The following GALNT13 variants were observed in gnomAD, a reference collection of about 807,000 sequenced individuals.
GALNT13 encodes polypeptide N-acetylgalactosaminyltransferase 13.
In GALNT13, 28 loss-of-function variants were observed where a neutral mutation model predicts 64.2. That is an observed-to-expected ratio of 0.44 (90% CI 0.32 to 0.60). The LOEUF is 0.60. GALNT13 is among the 20% of genes least tolerant of loss of function. GALNT13 has a pLI of 0.05. For synonymous variants in GALNT13, 214 were observed against 224.6 expected (o/e 0.95, Z 0.42); for missense variants, 577 against 669.8 (o/e 0.86, Z 1.53).
intron 3 of GALNT13, among the ~76,000 whole-genome samples, chr2:154,052,672 G>C (rs1042409762): frequency 6.6e-6 from 1 of 150,682 alleles, no homozygotes; most frequent in Admixed American, 6.6e-5. Flanking sequence ...TGCTGTGTTG[G>C]TGTTCAATAT....
chr2:154,370,162 T>C (rs935428439), intron 9 of GALNT13, among the ~76,000 whole-genome samples: 10 of 152,086 alleles, frequency 6.6e-5, no homozygotes, highest in African/African-American at 2.4e-4. Flanking sequence ...CAAGTCAGTC[T>C]CATTGAAGAT....
At chr2:153,698,804 G>A in the GALNT13 span, among the ~76,000 whole-genome samples, 3 of 152,150 alleles carry the variant, frequency 2.0e-5, no homozygotes, top group Admixed American at 2.0e-4. Context: ...GTGTTACATG[G>A]CACTTATTCT....
the GALNT13 span, among the ~76,000 whole-genome samples, chr2:153,096,173 C>G: frequency 6.6e-6 from 1 of 151,994 alleles, no homozygotes; most frequent in East Asian, 1.9e-4. Flanking sequence ...TGTATAATTT[C>G]CAAAATTATT....
the GALNT13 span, among the ~76,000 whole-genome samples, chr2:153,518,764 T>C: frequency 6.6e-6 from 1 of 152,140 alleles, no homozygotes; most frequent in East Asian, 1.9e-4. Flanking sequence ...AAATGTTTAG[T>C]GGGTTCCTAG....
chr2:154,263,810 G>GTAACAAGTAACAAGTAACAAGATTTGT, intron 8 of GALNT13, among the ~76,000 whole-genome samples: 1 of 152,204 alleles, frequency 6.6e-6, no homozygotes, highest in South Asian at 2.1e-4. Context: ...GGAGTAACAA[G>GTAACAAGTAACAAGTAACAAGATTTGT]TACTAGATTT....
chr2:153,411,178 TA>T, the GALNT13 span, among the ~76,000 whole-genome samples: 8,943 of 87,986 alleles, frequency 0.1, 283 homozygotes, highest in East Asian at 0.27. Flanking sequence ...TATATATATA[TA>T]TTTTTTTTTT....
At chr2:154,198,578 T>C (rs1019317901) in intron 4 of GALNT13, among the ~76,000 whole-genome samples, 13 of 152,078 alleles carry the variant, frequency 8.5e-5, no homozygotes, top group Middle Eastern at 3.4e-3. Flanking sequence ...AAAATGATTG[T>C]AACTTCTTTA....
At chr2:153,643,461 A>T in the GALNT13 span, among the ~76,000 whole-genome samples, 1 of 151,650 alleles carries the variant, frequency 6.6e-6, no homozygotes, top group Non-Finnish European at 1.5e-5. Context: ...AAGTCAAAAT[A>T]GTTCTATAAA....
chr2:153,136,764 T>C, the GALNT13 span, among the ~76,000 whole-genome samples: 1 of 151,976 alleles, frequency 6.6e-6, no homozygotes, highest in Non-Finnish European at 1.5e-5. Flanking sequence ...ATCCATTAAG[T>C]ACAGGTCTCC....
the GALNT13 span, chr2:153,477,618 C>T: frequency 1.4e-5 from 2 of 144,698 alleles, no homozygotes; most frequent in Admixed American, 1.4e-4. Context: ...TGTAACTCCT[C>T]AGGCAGGCAA....
At chr2:154,047,290 G>A (rs1699340707) in intron 3 of GALNT13, among the ~76,000 whole-genome samples, 1 of 152,110 alleles carries the variant, frequency 6.6e-6, no homozygotes, top group African/African-American at 2.4e-5. Context: ...TTGTTCACTC[G>A]TTGATCTTTA....
chr2:153,752,692 G>T, the GALNT13 span, among the ~76,000 whole-genome samples: 2 of 151,806 alleles, frequency 1.3e-5, no homozygotes, highest in African/African-American at 4.8e-5. Context: ...CTTTATCTTT[G>T]GGAGTTTGAT....
At chr2:153,081,795 A>C in the GALNT13 span, among the ~76,000 whole-genome samples, 1 of 152,132 alleles carries the variant, frequency 6.6e-6, no homozygotes, top group Non-Finnish European at 1.5e-5. Flanking sequence ...GTTGCTTCCA[A>C]ATCTTAGTAT....
chr2:153,723,782 C>T, the GALNT13 span, among the ~76,000 whole-genome samples: 1 of 151,194 alleles, frequency 6.6e-6, no homozygotes, highest in Non-Finnish European at 1.5e-5. Flanking sequence ...GAACTACAAA[C>T]CACTGCTCAA....
chr2:153,656,487 C>G, the GALNT13 span, among the ~76,000 whole-genome samples: 17 of 152,212 alleles, frequency 1.1e-4, no homozygotes, highest in African/African-American at 3.4e-4. Flanking sequence ...ACTATTTTAT[C>G]TGTTTCTCTT....
the GALNT13 span, among the ~76,000 whole-genome samples, chr2:153,200,458 T>C: frequency 3.5e-4 from 53 of 152,298 alleles, no homozygotes; most frequent in Non-Finnish European, 5.7e-4. Flanking sequence ...GGAAACCCTT[T>C]TGTGTCAGGT....
the GALNT13 span, among the ~76,000 whole-genome samples, chr2:153,750,611 A>T: frequency 6.6e-6 from 1 of 151,600 alleles, no homozygotes. Flanking sequence ...TTGTGGACTT[A>T]CGTTGCTCAT....
At chr2:153,641,930 A>G in the GALNT13 span, among the ~76,000 whole-genome samples, 5 of 152,134 alleles carry the variant, frequency 3.3e-5, no homozygotes, top group Admixed American at 1.3e-4. Flanking sequence ...TATAAAATAT[A>G]TGTCATAAAA....
At chr2:153,747,319 G>A in the GALNT13 span, among the ~76,000 whole-genome samples, 1 of 147,034 alleles carries the variant, frequency 6.8e-6, no homozygotes, top group Non-Finnish European at 1.5e-5. Flanking sequence ...TTTATTTTTT[G>A]TACCCATTAA....
Sources: gnomAD v4.1 joint callset for allele counts (sites outside exome capture counted in the v4.1 genomes callset) on GRCh38, gnomAD v4.1.1 for gene constraint, MANE v1.5 for transcripts, NCBI Gene and HGNC (gene_info 2026-07-23, HGNC 2026-07-21) for gene names.